CCDC183: variants seen among roughly 807,000 people sequenced by gnomAD.
CCDC183 encodes coiled-coil domain-containing protein 183.
CCDC183 carries 63 observed loss-of-function variants against 65.2 expected under a neutral mutation model. The observed-to-expected ratio is 0.97, with a 90% CI of 0.79 to 1.19. The LOEUF is 1.19. Ranked by LOEUF, CCDC183 falls within the 50% of genes most tolerant of loss-of-function variation. The pLI, the probability that CCDC183 is intolerant of heterozygous loss-of-function variation, is 0.00. For synonymous variants in CCDC183, 323 were observed against 276.5 expected, an observed-to-expected ratio of 1.17 and a Z score of -1.67; for missense variants, 769 against 689.3, an observed-to-expected ratio of 1.12 and a Z score of -1.30.
At position 136,804,383 on chromosome 9, in the gene CCDC183, C is replaced by A; in HGVS notation, c.667-119C>A. 7.3e-7 allele frequency: 1 copy of A among 1,368,054 alleles called. No individual in the cohort carries two copies. The highest frequency in any genetic ancestry group is 9.8e-7 in the Non-Finnish European group (1 of 1,022,750). 84.7% of individuals were successfully genotyped at this position (1,368,054 alleles called of 1,614,324 possible). A position where few individuals can be genotyped will look rare whatever the true frequency, so the allele number is the denominator to read the frequency against. On this transcript the variant is annotated intron_variant, in intron 6 of 13. Coordinates refer to ENST00000338005, the MANE Select transcript of CCDC183 (RefSeq NM_001039374.5). The surrounding 1 kb of genome is among the most constrained non-coding windows in gnomAD (Gnocchi z 4.1). ...TTAGGAAAAGGGTGTGGCCATTGGCCGGGGATGCAGTTCCAAAGTCTAGTA... is the reference window on the plus strand; with the variant it reads ...TTAGGAAAAGGGTGTGGCCATTGGCAGGGGATGCAGTTCCAAAGTCTAGTA...
intron 5 of CCDC183, among the ~76,000 whole-genome samples, chr9:136,801,244 C>A (rs1847732619): frequency 6.6e-6 from 1 of 151,808 alleles, no homozygotes; most frequent in African/African-American, 2.4e-5. Flanking sequence ...CTCTGCTTGT[C>A]CCTCTTGCCT....
Position 136,804,659 on chromosome 9 carries a change from C to G in CCDC183, c.792+32C>G, listed in dbSNP as rs1376529866. On this transcript the variant is annotated intron_variant, in intron 7 of 13. Coordinates refer to ENST00000338005, the MANE Select transcript of CCDC183 (RefSeq NM_001039374.5). The surrounding 1 kb of genome is among the most constrained non-coding windows in gnomAD (Gnocchi z 4.1). ...CCCAGGCCAGGGCCTGGCTGGCTGCCCATCCCCATGACAGCTGGGTGGACA... is the reference window on the plus strand; with the variant it reads ...CCCAGGCCAGGGCCTGGCTGGCTGCGCATCCCCATGACAGCTGGGTGGACA... 2.5e-6 allele frequency: 4 copies of G among 1,613,160 alleles called. No homozygotes were observed. The highest frequency in any genetic ancestry group is 3.4e-6 in the Non-Finnish European group (4 of 1,179,556).
At position 136,806,785 on chromosome 9, in the gene CCDC183, A is replaced by G. The variant is rs370575971; in HGVS notation, c.1307A>G (p.Asp436Gly). ...GAAGTGGTGCTCTCCAACACCCTCG[A>G]TTTGAACAGCAAGCTGGCGTACTGC... ...QREVVLSNTL[D>G]LNSKLAYCEG... Residue 436 changes from aspartate (D) to glycine (G), a missense_variant, in exon 12 of 14, where the codon GAT becomes GGT. Coordinates refer to ENST00000338005, the MANE Select transcript of CCDC183 (RefSeq NM_001039374.5). 3.1e-6 allele frequency: 5 copies of G among 1,613,480 alleles called. No homozygotes were observed. The highest frequency in any genetic ancestry group is 4.2e-6 in the Non-Finnish European group (5 of 1,180,032).
In CCDC183 at chr9:136,796,425, GA is replaced by G; in HGVS notation, c.30del (p.Glu11SerfsTer6). The G allele has an allele frequency of 1.3e-6, 2 of 1,584,404 alleles. No individual in the cohort carries two copies. Among genetic ancestry groups the G allele is most frequent in the Admixed American group, 3.7e-5 (2 of 54,438 alleles). On this transcript the variant is annotated frameshift_variant, in exon 1 of 14. Transcript: ENST00000338005. LOFTEE classifies it high-confidence loss of function. ...GAGGAGGCACAGTGAGACAGATGTG[GA>G]AGAGCAGACCCAGGAGCTGAAGACC... MRRHSETDV[E>X]EQTQELKTIT...
chr9:136,800,020 C>T lies in CCDC183; in HGVS notation c.289C>T (p.Arg97Cys), dbSNP rs561342759. 1.0e-5 allele frequency: 16 copies of T among 1,590,312 alleles called. No homozygotes were observed. The highest frequency in any genetic ancestry group is 1.3e-5 in the Non-Finnish European group (15 of 1,169,318). ...GACCCAGGTGGTGCGGGAGAAGCTG[C>T]GCAAGTACGTCTTCGACCGCGTGAA... ...STMEVVREKL[R>C]KYVFDRVNMH... The change falls in exon 4 of 14, where the codon CGC (arginine) becomes TGC (cysteine). Residue 97 changes from arginine (R) to cysteine (C), a missense_variant. Physicochemically the swap from Arg to Cys is radical, Grantham distance 180. Coordinates refer to ENST00000338005, the MANE Select transcript of CCDC183 (RefSeq NM_001039374.5).
chr9:136,799,606 A>G (rs1051559398), intron 2 of CCDC183, 107 bp from the exon 3 acceptor site: 1 of 953,118 alleles, frequency 1.0e-6, no homozygotes, highest in South Asian at 1.5e-5. Context: ...GGATCTCGCT[A>G]CTGGGCTAGC....
chr9:136,802,883 C>G (rs1847761770), intron 6 of CCDC183, 97 bp downstream of exon 6: 1 of 248,534 alleles, frequency 4.0e-6, no homozygotes, highest in African/African-American at 4.6e-5. Flanking sequence ...GCTGGGGGCC[C>G]CCCAGGGCCA....
In CCDC183 at chr9:136,807,548, G is replaced by A. The variant is rs373405679; in HGVS notation, c.1487-24G>A. 5,879 of 1,576,298 alleles carry A rather than the reference G, an allele frequency of 3.7e-3. 18 individuals carry two copies. The highest frequency in any genetic ancestry group is 4.6e-3 in the Non-Finnish European group (5,353 of 1,163,880). ...GCGCCTAGCTGGGCTAGCCCCGTGTGCGAGCCGCCGCCTCCGCCCGCAGAC... is the reference window on the plus strand; with the variant it reads ...GCGCCTAGCTGGGCTAGCCCCGTGTACGAGCCGCCGCCTCCGCCCGCAGAC... On this transcript the variant is annotated intron_variant, in intron 13 of 13. Transcript: ENST00000338005.
At chr9:136,803,575 G>T (rs544080735) in intron 6 of CCDC183, among the ~76,000 whole-genome samples, 1 of 152,308 alleles carries the variant, frequency 6.6e-6, no homozygotes, top group Non-Finnish European at 1.5e-5. Context: ...CTGTCCTCCT[G>T]AAGTGGGTGG....
intron 5 of CCDC183, 78 bp from the exon 6 acceptor site, chr9:136,802,586 C>T: frequency 6.5e-7 from 1 of 1,532,690 alleles, no homozygotes; most frequent in Non-Finnish European, 8.8e-7. Context: ...GTTCTCAGGG[C>T]TCTTAGTCGG....
chr9:136,806,760 G>A lies in CCDC183; in HGVS notation c.1282G>A (p.Glu428Lys), dbSNP rs1351940920. Residue 428 changes from glutamate to lysine, a missense_variant, in exon 12 of 14, where the codon GAA becomes AAA. By Grantham distance (56) the Glu-to-Lys change is moderately conservative (BLOSUM62 1). Coordinates refer to ENST00000338005, the MANE Select transcript of CCDC183 (RefSeq NM_001039374.5). ...MGINLPATQR[E>K]VVLSNTLDLN... The stretch of plus-strand genomic sequence containing the variant: ...AGACCCTCCTCCCGGCCTACAGAGA[G>A]AAGTGGTGCTCTCCAACACCCTCGA... 10 of 1,613,556 alleles carry A rather than the reference G, an allele frequency of 6.2e-6. No homozygotes were observed. Among genetic ancestry groups the A allele is most frequent in the Admixed American group, 1.7e-5 (1 of 60,026 alleles).
In CCDC183 at chr9:136,804,545, G is replaced by A. The variant is rs201155882; in HGVS notation, c.710G>A (p.Arg237Gln). 1.0e-4 allele frequency: 163 copies of A among 1,613,500 alleles called. No homozygotes were observed. In the East Asian group the frequency reaches 1.1e-3, roughly 11 times the overall value. The stretch of plus-strand genomic sequence containing the variant: ...GAGGCGTCCTTCATCGAGGAGCGCC[G>A]GGCAAGGGAGAACCGGCTCAACCAG... ...QREASFIEER[R>Q]ARENRLNQQK... is the part of the protein sequence containing the mutation. Residue 237 changes from arginine (R) to glutamine (Q), a missense_variant, in exon 7 of 14, where the codon CGG becomes CAG. Transcript: ENST00000338005. The surrounding 1 kb of genome is among the most constrained non-coding windows in gnomAD (Gnocchi z 4.1).
intron 5 of CCDC183, among the ~76,000 whole-genome samples, chr9:136,802,413 T>A (rs1847749810): frequency 6.6e-6 from 1 of 152,184 alleles, no homozygotes; most frequent in Non-Finnish European, 1.5e-5. Context: ...CTGCAGAGCA[T>A]TTCATCACAA....
chr9:136,802,269 G>C lies in CCDC183; in HGVS notation c.544-395G>C, dbSNP rs183700406. Among the ~76,000 whole-genome samples, 338 of 152,274 alleles carry C rather than the reference G, an allele frequency of 2.2e-3. 1 individual carries two copies. Among genetic ancestry groups the C allele is most frequent in the Non-Finnish European group, 3.6e-3 (245 of 68,022 alleles). On this transcript the variant is annotated intron_variant, in intron 5 of 13. Coordinates refer to ENST00000338005, the MANE Select transcript of CCDC183 (RefSeq NM_001039374.5). ...TAAGTAACTTTCCCAATGTCACACA[G>C]CTAAACTAGCTGGTCAGAAGCTGCC...
chr9:136,807,466 G>A, intron 13 of CCDC183, 106 bp from the exon 14 acceptor site: 1 of 1,375,982 alleles, frequency 7.3e-7, no homozygotes, highest in African/African-American at 1.5e-5. Flanking sequence ...TGTCCCTGGG[G>A]CAAGGCACCT....
chr9:136,796,660 C>T (rs1847653329), intron 1 of CCDC183, among the ~76,000 whole-genome samples, 193 bp downstream of exon 1: 1 of 152,138 alleles, frequency 6.6e-6, no homozygotes, highest in Non-Finnish European at 1.5e-5. Flanking sequence ...AACTTTAGCC[C>T]CAACTCTGTG....
chr9:136,801,013 TAGGG>T (rs2131130465), intron 5 of CCDC183, among the ~76,000 whole-genome samples: 1 of 152,208 alleles, frequency 6.6e-6, no homozygotes, highest in African/African-American at 2.4e-5. Flanking sequence ...GGGCTGTAGA[TAGGG>T]AGAGCACAGG....
Position 136,804,816 on chromosome 9 carries a change from T to C in CCDC183, c.847T>C (p.Leu283=). Residue 283 remains leucine (L), a splice_region_variant and synonymous_variant, in exon 8 of 14, where the codon TTG becomes CTG. Transcript: ENST00000338005. This position sits in a 1 kb window ranked among gnomAD's most constrained non-coding sequence, Gnocchi z 4.1. ...SNLMSTETLK[L]RRKETSTAEM... ...CCTGATGAGCACGGAGACCCTGAAA[T>C]GTAAGCGCTCAGCTCCCCACCTGCC... The C allele has an allele frequency of 6.2e-7, 1 of 1,613,068 alleles. No homozygotes were observed. Among genetic ancestry groups the C allele is most frequent in the Admixed American group, 1.7e-5 (1 of 59,946 alleles).
chr9:136,799,260 C>T, intron 2 of CCDC183, 37 bp downstream of exon 2: 1 of 1,569,128 alleles, frequency 6.4e-7, no homozygotes, highest in Non-Finnish European at 8.6e-7. Flanking sequence ...GCCTGGCGAG[C>T]AGGGCAGGAG....
Sources: allele counts gnomAD v4.1 joint callset (sites outside exome capture counted in the v4.1 genomes callset), GRCh38; gene constraint gnomAD v4.1.1; non-coding constraint Gnocchi (gnomAD v3.1); transcripts MANE v1.5; gene names NCBI Gene and HGNC (gene_info 2026-07-23, HGNC 2026-07-21).